RTN4IP1: variants seen among roughly 807,000 people sequenced by gnomAD.
RTN4IP1 encodes reticulon 4 interacting protein 1.
A neutral mutation model predicts 46.6 loss-of-function variants in RTN4IP1; 32 were observed. The ratio of observed to expected loss-of-function variants is 0.69; its 90% CI spans 0.52 to 0.92. The LOEUF is 0.92. RTN4IP1 is among the 40% of genes least tolerant of loss of function. The pLI is 0.00. For synonymous variants in RTN4IP1, 167 were observed against 161.8 expected (o/e 1.03, Z -0.24); for missense variants, 424 against 485.8 (o/e 0.87, Z 1.20).
At chr6:106,600,806 T>G (rs1342976694) in intron 5 of RTN4IP1, among the ~76,000 whole-genome samples, 2 of 152,192 alleles carry the variant, frequency 1.3e-5, no homozygotes, top group African/African-American at 4.8e-5. Flanking sequence ...TTCCATTATA[T>G]GTCTATACCA....
Position 106,629,349 on chromosome 6 carries a change from C to T in RTN4IP1, c.-328G>A, listed in dbSNP as rs1462851684. ...AAGCAGGTGCGCAAACCCCCTAGATCCCTGCCCTGTCCTGGGAGCCCTCGG... is the reference window on the plus strand; with the variant it reads ...AAGCAGGTGCGCAAACCCCCTAGATTCCTGCCCTGTCCTGGGAGCCCTCGG... On this transcript the variant is annotated 5_prime_UTR_variant, in exon 1 of 9. Transcript: ENST00000369063. 9.0e-6 allele frequency: 5 copies of T among 558,542 alleles called. No individual in the cohort carries two copies. Among genetic ancestry groups the T allele is most frequent in the African/African-American group, 7.5e-5 (4 of 53,016 alleles). 34.6% of individuals were successfully genotyped at this position (558,542 alleles called of 1,614,324 possible). A position where few individuals can be genotyped will look rare whatever the true frequency, so the allele number is the denominator to read the frequency against.
chr6:106,621,234 C>T (rs73761709), intron 3 of RTN4IP1, among the ~76,000 whole-genome samples, 191 bp downstream of exon 3: 3 of 152,154 alleles, frequency 2.0e-5, no homozygotes, highest in East Asian at 1.9e-4. Context: ...AAAACAGCTA[C>T]GTTAGCAGGC....
intron 8 of RTN4IP1, among the ~76,000 whole-genome samples, chr6:106,576,044 C>A (rs903540393): frequency 1.3e-5 from 2 of 152,188 alleles, no homozygotes; most frequent in African/African-American, 4.8e-5. Context: ...TCCAGCACTA[C>A]CTCCTGGACA....
chr6:106,577,548 A>C (rs1166918620), intron 8 of RTN4IP1, among the ~76,000 whole-genome samples: 1 of 151,204 alleles, frequency 6.6e-6, no homozygotes, highest in Non-Finnish European at 1.5e-5. Context: ...AGTTGCTCTC[A>C]TAACCTTTTT....
chr6:106,597,203 G>A (rs1210942875), intron 5 of RTN4IP1, among the ~76,000 whole-genome samples: 1 of 152,196 alleles, frequency 6.6e-6, no homozygotes, highest in Non-Finnish European at 1.5e-5. Context: ...TTAATTTCAG[G>A]ACAGTAGGAA....
intron 6 of RTN4IP1, among the ~76,000 whole-genome samples, chr6:106,589,155 AAG>A (rs1775559056): frequency 1.3e-5 from 1 of 76,658 alleles, no homozygotes; most frequent in Non-Finnish European, 2.7e-5. Flanking sequence ...GAGGAAGAGG[AAG>A]GAGGAGGAGG....
At chr6:106,606,934 G>A (rs1474704161) in intron 4 of RTN4IP1, among the ~76,000 whole-genome samples, 1 of 151,816 alleles carries the variant, frequency 6.6e-6, no homozygotes, top group African/African-American at 2.4e-5. Flanking sequence ...AAAAGACCTT[G>A]AATAACCAAA....
chr6:106,574,582 G>C (rs549874552), intron 8 of RTN4IP1, among the ~76,000 whole-genome samples: 1 of 152,300 alleles, frequency 6.6e-6, no homozygotes, highest in Admixed American at 6.5e-5. Flanking sequence ...CTAAAATGCA[G>C]AGTCCAAGGC....
intron 5 of RTN4IP1, among the ~76,000 whole-genome samples, chr6:106,598,282 C>T (rs1018464718): frequency 1.3e-5 from 2 of 152,186 alleles, no homozygotes; most frequent in African/African-American, 2.4e-5. Context: ...CTGACTTCCA[C>T]GATGGTTGAA....
At chr6:106,580,503 G>A (rs900754803) in intron 8 of RTN4IP1, among the ~76,000 whole-genome samples, 3 of 152,074 alleles carry the variant, frequency 2.0e-5, no homozygotes, top group Non-Finnish European at 2.9e-5. Flanking sequence ...TGGATCATCT[G>A]AGGTCAGGAG....
intron 4 of RTN4IP1, among the ~76,000 whole-genome samples, chr6:106,604,690 A>G (rs983577870): frequency 3.3e-5 from 5 of 152,160 alleles, no homozygotes; most frequent in Admixed American, 3.3e-4. Flanking sequence ...ATTTTGTCCT[A>G]GGCTACTGTC....
chr6:106,595,553 A>G (rs1280132113), intron 5 of RTN4IP1, among the ~76,000 whole-genome samples: 1 of 148,420 alleles, frequency 6.7e-6, no homozygotes, highest in African/African-American at 2.5e-5. Flanking sequence ...GCTAGAGTGC[A>G]GTGGCGTGAT....
chr6:106,585,444 G>T (rs1223475126), intron 7 of RTN4IP1, among the ~76,000 whole-genome samples: 1 of 152,194 alleles, frequency 6.6e-6, no homozygotes, highest in Non-Finnish European at 1.5e-5. Context: ...TTTCCCTAAG[G>T]TCTGGCTTCA....
At chr6:106,626,695 T>C (rs1483695208) in intron 1 of RTN4IP1, among the ~76,000 whole-genome samples, 1 of 152,186 alleles carries the variant, frequency 6.6e-6, no homozygotes, top group Admixed American at 6.6e-5. Context: ...CAGTTAGTAA[T>C]TGAGAACCTG....
intron 8 of RTN4IP1, among the ~76,000 whole-genome samples, chr6:106,572,885 C>T (rs948301505): frequency 6.6e-6 from 1 of 152,140 alleles, no homozygotes; most frequent in Non-Finnish European, 1.5e-5. Flanking sequence ...TTGCATCCCC[C>T]ACAACACCAG....
chr6:106,626,253 G>A (rs1384132407), intron 1 of RTN4IP1, among the ~76,000 whole-genome samples: 4 of 151,976 alleles, frequency 2.6e-5, no homozygotes, highest in Admixed American at 2.6e-4. Context: ...TAAAGTGTTT[G>A]AAAGGTGGGA....
intron 8 of RTN4IP1, among the ~76,000 whole-genome samples, chr6:106,579,780 T>TC: frequency 6.6e-6 from 1 of 151,088 alleles, no homozygotes; most frequent in African/African-American, 2.4e-5. Context: ...TAATCCAGAT[T>TC]CTTTTTTTTT....
intron 6 of RTN4IP1, among the ~76,000 whole-genome samples, chr6:106,591,217 G>A (rs1477641436): frequency 2.0e-5 from 3 of 152,034 alleles, no homozygotes; most frequent in African/African-American, 7.3e-5. Context: ...GCCCAAACAA[G>A]AATGTAAGCT....
intron 4 of RTN4IP1, among the ~76,000 whole-genome samples, chr6:106,604,897 G>GGTGGC (rs1776025727): frequency 6.6e-6 from 1 of 152,076 alleles, no homozygotes; most frequent in Non-Finnish European, 1.5e-5. Context: ...CACCAACACT[G>GGTGGC]ACAGTGACCC....
Sources: gnomAD v4.1 joint callset for allele counts (sites outside exome capture counted in the v4.1 genomes callset) on GRCh38, gnomAD v4.1.1 for gene constraint, MANE v1.5 for transcripts, NCBI Gene and HGNC (gene_info 2026-07-23, HGNC 2026-07-21) for gene names.